Variants in RPS15A observed in about 807,000 individuals in gnomAD.
The protein encoded by RPS15A is ribosomal protein S15a.
For missense variants in RPS15A, 62 were observed against 163.4 expected (o/e 0.38, Z 3.38); for synonymous variants, 55 against 58.5 (o/e 0.94, Z 0.27).
At chr16:18,783,188 T>C (rs1323291709) in intron 4 of RPS15A, 86 bp from the exon 5 acceptor site, 8 of 853,140 alleles carry the variant, frequency 9.4e-6, no homozygotes, top group South Asian at 1.5e-5. Context: ...CACTCATCAG[T>C]GGTTAAGGGC....
At chr16:18,783,725 A>G (rs1179822496) in intron 4 of RPS15A, 1 of 455,918 alleles carries the variant, frequency 2.2e-6, no homozygotes, top group Non-Finnish European at 4.4e-6. Context: ...CTTAACCACA[A>G]AGATACACAT....
intron 4 of RPS15A, chr16:18,783,655 C>A (rs901689267): frequency 4.2e-5 from 19 of 455,762 alleles, no homozygotes; most frequent in Admixed American, 7.1e-5. Context: ...AATACAGCAA[C>A]CATGAAGTGA....
At chr16:18,786,261 A>T in intron 3 of RPS15A, 1 of 220,958 alleles carries the variant, frequency 4.5e-6, no homozygotes, top group African/African-American at 2.4e-5. Flanking sequence ...GCTACTAGGG[A>T]GGCTGAGGCA....
intron 4 of RPS15A, chr16:18,783,872 G>C (rs1904004031): frequency 5.5e-6 from 2 of 361,082 alleles, no homozygotes; most frequent in Non-Finnish European, 1.1e-5. Context: ...AGAAAAACAA[G>C]GGTTTGAACT....
Position 18,788,937 on chromosome 16 carries a change from A to G in RPS15A, c.133+44T>C, listed in dbSNP as rs758175858. 1.9e-6 allele frequency: 3 copies of G among 1,583,324 alleles called. No individual in the cohort carries two copies. The Admixed American group carries it at 5.4e-5, about 29-fold the overall frequency. Reference sequence around the variant, plus strand: ...AATTTCTACAGGACTGATTTCTTAGAGAGTCTCACATGAAAACATAAAACA... The same window carrying G: ...AATTTCTACAGGACTGATTTCTTAGGGAGTCTCACATGAAAACATAAAACA... On this transcript the variant is annotated intron_variant, in intron 2 of 4. Coordinates refer to ENST00000322989, the MANE Select transcript of RPS15A (RefSeq NM_001019.5).
chr16:18,789,803 T>A (rs1028580013), intron 1 of RPS15A: 2 of 152,164 alleles, frequency 1.3e-5, no homozygotes, highest in African/African-American at 4.8e-5. Context: ...TTAAATTCCT[T>A]AAGTTCAAAA....
At position 18,788,135 on chromosome 16, in the gene RPS15A, A is replaced by C. The variant is rs1196867365; in HGVS notation, c.141T>G (p.Ile47Met). Residue 47 changes from isoleucine (I) to methionine (M), a missense_variant, in exon 3 of 5, where the codon ATT becomes ATG. Coordinates refer to ENST00000322989, the MANE Select transcript of RPS15A (RefSeq NM_001019.5). ...FLTVMMKHGY[I>M]GEFEIIDDHR... ...GGTCATCAATGATTTCAAATTCGCCAATGTAACCTACAAAAGATAACTGAC... is the reference window on the plus strand; with the variant it reads ...GGTCATCAATGATTTCAAATTCGCCCATGTAACCTACAAAAGATAACTGAC... 6.2e-7 allele frequency: 1 copy of C among 1,605,360 alleles called. No individual in the cohort carries two copies. The highest frequency in any genetic ancestry group is 8.5e-7 in the Non-Finnish European group (1 of 1,172,524).
intron 3 of RPS15A, chr16:18,785,061 A>C: frequency 2.3e-6 from 1 of 427,068 alleles, no homozygotes; most frequent in Non-Finnish European, 4.1e-6. Flanking sequence ...AAGGCAATAC[A>C]TGGCAGTGTC....
intron 2 of RPS15A, among the ~76,000 whole-genome samples, 171 bp from the exon 3 acceptor site, chr16:18,788,313 T>G (rs144464785): frequency 1.2e-3 from 180 of 152,264 alleles, no homozygotes; most frequent in Non-Finnish European, 1.9e-3. Context: ...CAACCTAACA[T>G]ATAAGAATTG....
chr16:18,784,874 A>G (rs749203849), intron 3 of RPS15A, 51 bp from the exon 4 acceptor site: 7 of 1,403,190 alleles, frequency 5.0e-6, no homozygotes, highest in Non-Finnish European at 6.9e-6. Context: ...CCAATAACAG[A>G]AAAACTGAGT....
intron 3 of RPS15A, chr16:18,785,930 TA>T (rs1904040575): frequency 6.6e-6 from 1 of 152,228 alleles, no homozygotes; most frequent in Non-Finnish European, 1.5e-5. Context: ...AGAAGAATCG[TA>T]AGAGGATGTG....
intron 4 of RPS15A, chr16:18,783,970 A>G (rs1904005943): frequency 3.6e-6 from 1 of 277,026 alleles, no homozygotes; most frequent in Non-Finnish European, 7.2e-6. Context: ...ATCTGGGATC[A>G]CAGGGAACTA....
At chr16:18,788,255 C>T in intron 2 of RPS15A, 113 bp from the exon 3 acceptor site, 1 of 704,326 alleles carries the variant, frequency 1.4e-6, no homozygotes, top group Non-Finnish European at 2.5e-6. Flanking sequence ...ACTGCTTCTC[C>T]AAAAAGTTGG....
At chr16:18,787,927 T>G in intron 3 of RPS15A, 136 bp downstream of exon 3, 2 of 647,466 alleles carry the variant, frequency 3.1e-6, no homozygotes, top group Admixed American at 2.6e-5. Context: ...CATGTGTCAA[T>G]TTTTAAACCT....
chr16:18,783,675 C>A (rs1456180647), intron 4 of RPS15A: 2 of 456,042 alleles, frequency 4.4e-6, no homozygotes, highest in South Asian at 1.5e-5. Context: ...AGAATACTTT[C>A]AACCAAGGCA....
chr16:18,783,638 T>C, intron 4 of RPS15A: 1 of 455,766 alleles, frequency 2.2e-6, no homozygotes, highest in Non-Finnish European at 4.4e-6. Flanking sequence ...GAGAATACCG[T>C]ACCTGTAATA....
At chr16:18,787,046 G>T (rs1446447873) in intron 3 of RPS15A, among the ~76,000 whole-genome samples, 1 of 152,158 alleles carries the variant, frequency 6.6e-6, no homozygotes, top group Admixed American at 6.5e-5. Context: ...TCTATTTTTA[G>T]TAGAGACAGG....
Position 18,783,415 on chromosome 16 carries a change from G to T in RPS15A, c.300-313C>A, listed in dbSNP as rs1480616037. The stretch of plus-strand genomic sequence containing the variant: ...TTTAAATGTCACTTTCTGCTCTCAG[G>T]TAAGGAGACTTGAAAGTATTCGTAT... On this transcript the variant is annotated intron_variant, in intron 4 of 4. Transcript: ENST00000322989. The T allele has an allele frequency of 1.1e-5, 4 of 372,156 alleles. No homozygotes were observed. The East Asian group carries it at 2.4e-4, about 22-fold the overall frequency. The allele number at this position is 372,156 out of a possible 1,614,324, so 23.1% of individuals were successfully genotyped here.
In RPS15A at chr16:18,790,303, T is replaced by C. The variant is rs2030010898; in HGVS notation, c.-65A>G. The C allele has an allele frequency of 6.6e-6, 1 of 151,796 alleles. No homozygotes were observed. Among genetic ancestry groups the C allele is most frequent in the South Asian group, 2.1e-4 (1 of 4,820 alleles). 9.4% of individuals were successfully genotyped at this position (151,796 alleles called of 1,614,324 possible). ...TGAAATTGGAGCTCTCAGAGAGTGC[T>C]ACTCACCGGCGCGGAAAGATGGCGG... is the stretch of plus-strand genomic sequence containing the variant. On this transcript the variant is annotated 5_prime_UTR_variant, in exon 1 of 5. Transcript: ENST00000322989.
Sources: gnomAD v4.1 joint callset for allele counts (sites outside exome capture counted in the v4.1 genomes callset) on GRCh38, gnomAD v4.1.1 for gene constraint, MANE v1.5 for transcripts, NCBI Gene and HGNC (gene_info 2026-07-23, HGNC 2026-07-21) for gene names.